Variants in MUC4 observed in about 807,000 individuals in gnomAD.
The protein encoded by MUC4 is mucin-4.
MUC4 carries 202 observed loss-of-function variants against 257.9 expected under a neutral mutation model. The ratio of observed to expected loss-of-function variants is 0.78; its 90% CI spans 0.70 to 0.88. The LOEUF is 0.88. Among genes scored for constraint, MUC4 ranks in the 40% least tolerant of loss-of-function variants. The pLI is 0.00. For synonymous variants in MUC4, 2,351 were observed against 2,757.1 expected, an observed-to-expected ratio of 0.85 and a Z score of 4.62; for missense variants, 5,976 against 6,513.7, an observed-to-expected ratio of 0.92 and a Z score of 2.84.
At chr3:195,811,143 TTATATTTATTTATTTA>T (rs1304493983) in intron 1 of MUC4, among the ~76,000 whole-genome samples, 94 of 135,788 alleles carry the variant, frequency 6.9e-4, no homozygotes, top group South Asian at 4.2e-3. Context: ...TTATTTTATT[TTATATTTATTTATTTA>T]TTTATTTATT....
Position 195,787,925 on chromosome 3 carries a change from CAGG to C in MUC4, c.3652_3654del (p.Pro1218del). ...GTGGACACTGAGGAAGCGTCGGTGACAGGAAGAGGGGTGGCGTGTCCTGTGGAT... is the reference window on the plus strand; with the variant it reads ...GTGGACACTGAGGAAGCGTCGGTGACAAGAGGGGTGGCGTGTCCTGTGGAT... On this transcript the variant is annotated inframe_deletion, in exon 2 of 25. Transcript: ENST00000463781. 3.0e-6 allele frequency: 3 copies of C among 986,896 alleles called. 1 individual carries two copies. Among genetic ancestry groups the C allele is most frequent in the Non-Finnish European group, 1.4e-6 (1 of 716,750 alleles). The allele number at this position is 986,896 out of a possible 1,614,324, so 61.1% of individuals were successfully genotyped here.
At chr3:195,769,960 G>T (rs1722428639) in intron 6 of MUC4, among the ~76,000 whole-genome samples, 1 of 152,010 alleles carries the variant, frequency 6.6e-6, no homozygotes, top group Non-Finnish European at 1.5e-5. Context: ...AATGCCACTT[G>T]CTATGTTTCA....
intron 5 of MUC4, among the ~76,000 whole-genome samples, chr3:195,771,048 GTTGGGTTGGGGTATTC>G (rs1722732008): frequency 2.3e-4 from 33 of 146,652 alleles, no homozygotes; most frequent in East Asian, 6.0e-4. Context: ...CAGTCTCGTG[GTTGGGTTGGGGTATTC>G]CTGGTCAGTC....
rs1476403302 is a variant in MUC4 at position 195,782,144 on chromosome 3, A to G, written c.9436T>C (p.Ser3146Pro). 2.2e-6 allele frequency: 3 copies of G among 1,357,652 alleles called. No homozygotes were observed. The highest frequency in any genetic ancestry group is 4.1e-5 in the East Asian group (1 of 24,590). 84.1% of individuals were successfully genotyped at this position (1,357,652 alleles called of 1,614,324 possible). A position where few individuals can be genotyped will look rare whatever the true frequency, so the allele number is the denominator to read the frequency against. The change falls in exon 2 of 25, where the codon TCC becomes CCC. Residue 3146 changes from serine (S) to proline (P), a missense_variant. By Grantham distance (74) the Ser-to-Pro change is moderately conservative. This residue lies in a region of MUC4 where 128 missense variants were observed against 104.8 expected (regional missense o/e 1.22). Transcript: ENST00000463781. Reference protein sequence around the residue: ...ALPVTSTSSASTGDTTPLPVT... With the variant: ...ALPVTSTSSAPTGDTTPLPVT... ...GGAAGAGGGGTGGTGTCACCTGTGG[A>G]TGCTGAGGAAGTGCTGGTGACAGGA...
In MUC4 at chr3:195,763,558, C is replaced by A. The variant is rs143026198; in HGVS notation, c.14128G>T (p.Gly4710Trp). 5.0e-6 allele frequency: 8 copies of A among 1,591,414 alleles called. No individual in the cohort carries two copies. In the African/African-American group the frequency reaches 9.4e-5, roughly 19 times the overall value. ...FNGLGDFLLVGAQDGNSSFLL... is the reference protein window; with the variant it reads ...FNGLGDFLLVWAQDGNSSFLL... ...AAGGAGGAGTTCCCGTCTTGGGCCCCGACCAGCAGGAAGTCCCCCAGCCCA... is the reference window on the plus strand; with the variant it reads ...AAGGAGGAGTTCCCGTCTTGGGCCCAGACCAGCAGGAAGTCCCCCAGCCCA... The change falls in exon 12 of 25, where the codon GGG becomes TGG. Residue 4710 changes from glycine to tryptophan, a missense_variant. By Grantham distance (184) the Gly-to-Trp change is radical (BLOSUM62 -2). Transcript: ENST00000463781.
At chr3:195,765,683 T>C (rs1720311356) in intron 8 of MUC4, among the ~76,000 whole-genome samples, 1 of 152,228 alleles carries the variant, frequency 6.6e-6, no homozygotes, top group Non-Finnish European at 1.5e-5. Context: ...GATTTACACT[T>C]CACAGTTCAC....
intron 15 of MUC4, 127 bp downstream of exon 15, chr3:195,761,357 G>GGGGGGCACAGATTCCTCAGACCTTA (rs1718863985): frequency 1.1e-6 from 1 of 872,186 alleles, no homozygotes; most frequent in Non-Finnish European, 1.8e-6. Flanking sequence ...GACAGCCCTG[G>GGGGGGCACAGATTCCTCAGACCTTA]GGGGGCACAG....
In MUC4 at chr3:195,762,104, C is replaced by T; in HGVS notation, c.14495G>A (p.Arg4832His). ...GCCCTCACCCAGGAGCCCCTCCGTGCGGTTCTGGTACTCGGGCGGGAGGCT... is the reference window on the plus strand; with the variant it reads ...GCCCTCACCCAGGAGCCCCTCCGTGTGGTTCTGGTACTCGGGCGGGAGGCT... Reference protein sequence around the residue: ...SASLPPEYQNRTEGLLGVWNN... With the variant: ...SASLPPEYQNHTEGLLGVWNN... The change falls in exon 14 of 25, where the codon CGC (arginine) becomes CAC (histidine). Residue 4832 changes from arginine to histidine, a missense_variant. This residue lies in a region of MUC4 where 996 missense variants were observed against 1,137.3 expected (regional missense o/e 0.88). Transcript: ENST00000463781. The T allele has an allele frequency of 6.2e-7, 1 of 1,603,084 alleles. No homozygotes were observed. The highest frequency in any genetic ancestry group is 8.5e-7 in the Non-Finnish European group (1 of 1,177,260).
chr3:195,763,640 G>C lies in MUC4; in HGVS notation c.14046C>G (p.Ala4682=), dbSNP rs1377455904. ...TGATGTGGGGGTCCCCGAACATCCA[G>C]GCTGGAAGGAAAAAAGAGATGCTGC... ...GCATYRPPQP[A]WMFGDPHITT... The change falls in exon 12 of 25, where the codon GCC becomes GCG. Residue 4682 remains alanine (A), a splice_region_variant and synonymous_variant. Coordinates refer to ENST00000463781, the MANE Select transcript of MUC4 (RefSeq NM_018406.7). 1.3e-6 allele frequency: 2 copies of C among 1,518,436 alleles called. No individual in the cohort carries two copies. The highest frequency in any genetic ancestry group is 2.1e-5 in the Admixed American group (1 of 48,398). 94.1% of individuals were successfully genotyped at this position (1,518,436 alleles called of 1,614,324 possible).
Position 195,770,383 on chromosome 3 carries a change from G to C in MUC4, c.13243-12C>G. ...AACGTCTCGTATTCCTAGGAAAGGA[G>C]GGCAGATGAAAACAAGCCAACGAGG... On this transcript the variant is annotated splice_polypyrimidine_tract_variant and intron_variant, in intron 5 of 24. Coordinates refer to ENST00000463781, the MANE Select transcript of MUC4 (RefSeq NM_018406.7). 6.2e-7 allele frequency: 1 copy of C among 1,613,246 alleles called. No individual in the cohort carries two copies. Among genetic ancestry groups the C allele is most frequent in the Non-Finnish European group, 8.5e-7 (1 of 1,179,774 alleles).
Position 195,762,211 on chromosome 3 carries a change from G to C in MUC4, c.14388C>G (p.Asn4796Lys), listed in dbSNP as rs1334954401. Residue 4796 changes from asparagine to lysine, a missense_variant, in exon 14 of 25, where the codon AAC becomes AAG. Asn to Lys is a moderately conservative substitution (Grantham distance 94, BLOSUM62 0). Around this residue, in one of 44 missense-constraint regions of MUC4, gnomAD observed 996 missense variants for 1,137.3 expected, o/e 0.88. Coordinates refer to ENST00000463781, the MANE Select transcript of MUC4 (RefSeq NM_018406.7). ...FNATGVLLSR[N>K]GSEVSASFDG... ...CGAAGCTGGCCGAGACCTCAGAGCC[G>C]TTGCGGCTCAGGAGGACTCCGGTGG... 5.0e-6 allele frequency: 8 copies of C among 1,596,900 alleles called. No homozygotes were observed. The highest frequency in any genetic ancestry group is 6.8e-6 in the Non-Finnish European group (8 of 1,171,984).
Position 195,811,869 on chromosome 3 carries a change from G to T in MUC4, c.-52C>A. 3 of 1,576,180 alleles carry T rather than the reference G, an allele frequency of 1.9e-6. No individual in the cohort carries two copies. Among genetic ancestry groups the T allele is most frequent in the Non-Finnish European group, 2.6e-6 (3 of 1,148,444 alleles). ...CCTGGGGAAGCTCCACGGCCCAGCAGCTGCAGTGTGAGGAGCAGACGTGAG... is the reference window on the plus strand; with the variant it reads ...CCTGGGGAAGCTCCACGGCCCAGCATCTGCAGTGTGAGGAGCAGACGTGAG... On this transcript the variant is annotated 5_prime_UTR_variant, in exon 1 of 25. In the 5' UTR this introduces an upstream ATG that the reference lacks. Transcript: ENST00000463781.
At chr3:195,772,061 G>A (rs1723000200) in intron 4 of MUC4, among the ~76,000 whole-genome samples, 1 of 152,180 alleles carries the variant, frequency 6.6e-6, no homozygotes, top group Non-Finnish European at 1.5e-5. Flanking sequence ...TTTCACTGCA[G>A]ATCCCTGGCT....
intron 1 of MUC4, among the ~76,000 whole-genome samples, chr3:195,807,104 G>A (rs1560424007): frequency 6.6e-6 from 1 of 152,172 alleles, no homozygotes; most frequent in Non-Finnish European, 1.5e-5. Context: ...AAGGCCTCAC[G>A]TGCAACACAA....
rs776773359 is a variant in MUC4, at chr3:195,789,248, T to C, written c.2332A>G (p.Ser778Gly). The C allele has an allele frequency of 3.1e-6, 5 of 1,613,918 alleles. No individual in the cohort carries two copies. Among genetic ancestry groups the C allele is most frequent in the Non-Finnish European group, 3.4e-6 (4 of 1,179,858 alleles). ...AAMTHTHQAESTEASGQTQTS... is the reference protein window; with the variant it reads ...AAMTHTHQAEGTEASGQTQTS... The stretch of plus-strand genomic sequence containing the variant: ...TGTGTTTGTCCAGAGGCCTCTGTGC[T>C]CTCAGCCTGGTGGGTATGGGTCATG... The change falls in exon 2 of 25, where the codon AGC becomes GGC. Residue 778 changes from serine (S) to glycine (G), a missense_variant. By Grantham distance (56) the Ser-to-Gly change is moderately conservative. Around this residue, in one of 44 missense-constraint regions of MUC4, gnomAD observed 1,583 missense variants for 1,257.4 expected, o/e 1.26. Transcript: ENST00000463781.
rs1560343928 is a variant in MUC4 at position 195,783,427 on chromosome 3, GTGT to G, written c.8150_8152del (p.Asp2717_Thr2718delinsAla). The G allele has an allele frequency of 2.3e-5, 15 of 639,920 alleles. 1 individual carries two copies. The highest frequency in any genetic ancestry group is 1.2e-4 in the African/African-American group (2 of 17,286). 39.6% of individuals were successfully genotyped at this position (639,920 alleles called of 1,614,324 possible). On this transcript the variant is annotated inframe_deletion, in exon 2 of 25. Coordinates refer to ENST00000463781, the MANE Select transcript of MUC4 (RefSeq NM_018406.7). ...AGTGTCGGTGACAGGAAGAGAGGTG[GTGT>G]CACCTGTGTATGCTGAGGAAGTGTC...
intron 18 of MUC4, 119 bp from the exon 19 acceptor site, chr3:195,754,491 C>A: frequency 1.6e-6 from 2 of 1,280,250 alleles, no homozygotes; most frequent in East Asian, 2.6e-5. Context: ...GTCTCAGCCC[C>A]ACCAGCACCT....
intron 1 of MUC4, among the ~76,000 whole-genome samples, chr3:195,799,158 T>C (rs1402482206): frequency 2.0e-5 from 3 of 152,130 alleles, no homozygotes; most frequent in Non-Finnish European, 4.4e-5. Flanking sequence ...CACTGCTCCC[T>C]GCTCGCAATT....
rs1225518085 is a variant in MUC4 at position 195,782,467 on chromosome 3, G to C, written c.9113C>G (p.Ala3038Gly). Residue 3038 changes from alanine to glycine, a missense_variant, in exon 2 of 25, where the codon GCC becomes GGC. Physicochemically the swap from Ala to Gly is moderately conservative, Grantham distance 60. This residue lies in a region of MUC4 where 52 missense variants were observed against 102.2 expected (regional missense o/e 0.51). Coordinates refer to ENST00000463781, the MANE Select transcript of MUC4 (RefSeq NM_018406.7). ...TSPSSASTGH[A>G]TPLPVTDTSS... is the part of the protein sequence containing the mutation. ...AGTGTCGGTGACAGGAAGCGGGGTG[G>C]CGTGACCGGTGGATGCTGAGGAAGG... The C allele has an allele frequency of 6.7e-7, 1 of 1,485,974 alleles. No homozygotes were observed. The highest frequency in any genetic ancestry group is 2.1e-5 in the Admixed American group (1 of 48,346). 92.0% of individuals were successfully genotyped at this position (1,485,974 alleles called of 1,614,324 possible).
Sources: allele counts gnomAD v4.1 joint callset (sites outside exome capture counted in the v4.1 genomes callset), GRCh38; gene constraint gnomAD v4.1.1; regional missense constraint gnomAD v4.1.1; transcripts MANE v1.5; gene names NCBI Gene and HGNC (gene_info 2026-07-23, HGNC 2026-07-21).